Variants in NRBF2 observed in about 807,000 individuals in gnomAD.
NRBF2 encodes the protein nuclear receptor binding factor 2.
In NRBF2, 12 loss-of-function variants were observed where a neutral mutation model predicts 28.5. The observed-to-expected ratio is 0.42, with a 90% CI of 0.27 to 0.68. The LOEUF (loss-of-function observed/expected upper bound fraction) is 0.68, where lower values mean the gene tolerates loss of function less well. NRBF2 is among the 30% of genes least tolerant of loss of function. The probability of loss-of-function intolerance (pLI) is 0.24; values close to 1 mark genes in which losing one functional copy is unlikely to be tolerated. For missense variants in NRBF2, 274 were observed against 333.5 expected (o/e 0.82, Z 1.39); for synonymous variants, 102 against 116.5 (o/e 0.88, Z 0.80).
At chr10:63,145,898 A>G (rs1480426249) in intron 1 of NRBF2, among the ~76,000 whole-genome samples, 2 of 152,232 alleles carry the variant, frequency 1.3e-5, no homozygotes, top group African/African-American at 4.8e-5. Context: ...ATTTTGAATA[A>G]CAATCTATGA....
At chr10:63,144,348 G>A (rs1841526386) in intron 1 of NRBF2, among the ~76,000 whole-genome samples, 2 of 151,546 alleles carry the variant, frequency 1.3e-5, no homozygotes, top group Admixed American at 6.6e-5. Context: ...TTTTATGACT[G>A]GCTTATTTTA....
At chr10:63,135,647 CTTT>C (rs763603312) in intron 1 of NRBF2, among the ~76,000 whole-genome samples, 22 of 129,412 alleles carry the variant, frequency 1.7e-4, no homozygotes, top group East Asian at 1.1e-3. Context: ...ATCTTGAATT[CTTT>C]TTTTTTTTTT....
intron 2 of NRBF2, among the ~76,000 whole-genome samples, chr10:63,151,496 C>T (rs879404506): frequency 2.0e-5 from 3 of 152,002 alleles, no homozygotes; most frequent in Non-Finnish European, 4.4e-5. Context: ...TTTTTAAGAA[C>T]TTGACTTAAG....
chr10:63,152,366 G>T (rs1048443887), intron 3 of NRBF2, among the ~76,000 whole-genome samples, 176 bp downstream of exon 3: 1 of 152,190 alleles, frequency 6.6e-6, no homozygotes, highest in Admixed American at 6.5e-5. Context: ...AACTGCAGTC[G>T]ATGCCCCAGA....
rs1841688665 is a variant in NRBF2, at chr10:63,153,900, G to A, written c.546G>A (p.Val182=). The part of the protein sequence containing the change: ...ATKIADLKRH[V]EFLVAENERL... Reference sequence around the variant, plus strand: ...AAATTGCAGATTTGAAGAGGCATGTGGAATTCCTTGTGGCTGAGAATGAAA... The same window carrying A: ...AAATTGCAGATTTGAAGAGGCATGTAGAATTCCTTGTGGCTGAGAATGAAA... Residue 182 remains valine, a synonymous_variant, in exon 4 of 4, where the codon GTG becomes GTA. Transcript: ENST00000277746. 1 of 1,611,818 alleles carries A rather than the reference G, an allele frequency of 6.2e-7. No homozygotes were observed. Among genetic ancestry groups the A allele is most frequent in the African/African-American group, 1.3e-5 (1 of 74,836 alleles).
intron 1 of NRBF2, among the ~76,000 whole-genome samples, chr10:63,135,375 C>A (rs1251632091): frequency 6.6e-6 from 1 of 152,136 alleles, no homozygotes; most frequent in African/African-American, 2.4e-5. Context: ...TAGTTAGCTT[C>A]ACATTATTTG....
chr10:63,144,043 C>T (rs1841519788), intron 1 of NRBF2, among the ~76,000 whole-genome samples: 1 of 152,130 alleles, frequency 6.6e-6, no homozygotes, highest in Admixed American at 6.5e-5. Flanking sequence ...TAGGCATGAG[C>T]CACAGCACCC....
chr10:63,133,822 C>T (rs1174762156), intron 1 of NRBF2, among the ~76,000 whole-genome samples: 2 of 152,222 alleles, frequency 1.3e-5, no homozygotes, highest in Non-Finnish European at 2.9e-5. Context: ...TAGCCACCTC[C>T]CTACAGCCTG....
At chr10:63,137,744 T>C (rs1270606682) in intron 1 of NRBF2, among the ~76,000 whole-genome samples, 4 of 152,280 alleles carry the variant, frequency 2.6e-5, no homozygotes, top group South Asian at 4.1e-4. Flanking sequence ...ATATTGGCTT[T>C]AAAATCTTCA....
At chr10:63,145,301 C>T (rs1841541744) in intron 1 of NRBF2, among the ~76,000 whole-genome samples, 1 of 152,000 alleles carries the variant, frequency 6.6e-6, no homozygotes, top group African/African-American at 2.4e-5. Flanking sequence ...GTCTCGATCT[C>T]CTGACCTCAT....
In NRBF2 at chr10:63,153,954, G is replaced by C. The variant is rs1841690195; in HGVS notation, c.600G>C (p.Lys200Asn). The change falls in exon 4 of 4, where the codon AAG becomes AAC. Residue 200 changes from lysine to asparagine, a missense_variant. By Grantham distance (94) the Lys-to-Asn change is moderately conservative. Coordinates refer to ENST00000277746, the MANE Select transcript of NRBF2 (RefSeq NM_030759.5). ...TAAGGAAAGAAAATAAACAACTAAA[G>C]GCTGAAAAGGCCAGACTTCTAAAAG... The part of the protein sequence containing the change: ...ERLRKENKQL[K>N]AEKARLLKGP... The C allele has an allele frequency of 3.7e-6, 6 of 1,611,924 alleles. No homozygotes were observed. The highest frequency in any genetic ancestry group is 4.2e-6 in the Non-Finnish European group (5 of 1,179,832).
At position 63,154,736 on chromosome 10, in the gene NRBF2, A is replaced by G. The variant is rs1449901761; in HGVS notation, c.*518A>G. ...TACACACCCTTCTAGATGAAACTATATGTGCCACACTTTGCACTACTCATA... is the reference window on the plus strand; with the variant it reads ...TACACACCCTTCTAGATGAAACTATGTGTGCCACACTTTGCACTACTCATA... On this transcript the variant is annotated 3_prime_UTR_variant, in exon 4 of 4. Coordinates refer to ENST00000277746, the MANE Select transcript of NRBF2 (RefSeq NM_030759.5). 1 of 149,730 alleles carries G rather than the reference A, an allele frequency of 6.7e-6. No individual in the cohort carries two copies. The highest frequency in any genetic ancestry group is 2.4e-5 in the African/African-American group (1 of 40,936). The allele number at this position is 149,730 out of a possible 1,614,324, so 9.3% of individuals were successfully genotyped here.
At chr10:63,133,811 G>A (rs147811820) in intron 1 of NRBF2, among the ~76,000 whole-genome samples, 21 of 152,330 alleles carry the variant, frequency 1.4e-4, no homozygotes, top group African/African-American at 4.8e-4. Context: ...TTAGCGCCAC[G>A]TAGCCACCTC....
Position 63,154,120 on chromosome 10 carries a change from A to G in NRBF2, c.766A>G (p.Ile256Val), listed in dbSNP as rs1564532784. 14 of 1,613,876 alleles carry G rather than the reference A, an allele frequency of 8.7e-6. No homozygotes were observed. The highest frequency in any genetic ancestry group is 1.1e-5 in the South Asian group (1 of 91,074). Residue 256 changes from isoleucine (I) to valine (V), a missense_variant, in exon 4 of 4, where the codon ATT becomes GTT. Ile to Val is a conservative substitution (Grantham distance 29). Coordinates refer to ENST00000277746, the MANE Select transcript of NRBF2 (RefSeq NM_030759.5). ...AGCAAATACTGGGAAAGCCAAGGAC[A>G]TTCCAATCCCCAATCTTCCTCCCTT... ...FAANTGKAKD[I>V]PIPNLPPLDF... is the part of the protein sequence containing the mutation.
intron 1 of NRBF2, among the ~76,000 whole-genome samples, chr10:63,136,124 C>CTTTTTTTTTTTTTTTTTTT (rs11334549): frequency 1.6e-5 from 2 of 125,006 alleles, no homozygotes; most frequent in African/African-American, 5.8e-5. Flanking sequence ...AAAATTCAGA[C>CTTTTTTTTTTTTTTTTTTT]TTTTTTTTTT....
At position 63,145,753 on chromosome 10, in the gene NRBF2, TAGAAG is replaced by T. The variant is rs1841551027; in HGVS notation, c.31-450_31-446del. Among the ~76,000 whole-genome samples, 7 of 152,366 alleles carry T rather than the reference TAGAAG, an allele frequency of 4.6e-5. No homozygotes were observed. In the South Asian group the frequency reaches 1.4e-3, roughly 32 times the overall value. ...CTTTAATGTTGAAAGAATGAGATGA[TAGAAG>T]AGAAGCTTGGATTTTACTACATGAT... is the stretch of plus-strand genomic sequence containing the variant. On this transcript the variant is annotated intron_variant, in intron 1 of 3. Transcript: ENST00000277746.
At chr10:63,151,931 A>G (rs1278829778) in intron 2 of NRBF2, among the ~76,000 whole-genome samples, 1 of 152,222 alleles carries the variant, frequency 6.6e-6, no homozygotes, top group Non-Finnish European at 1.5e-5. Flanking sequence ...TAGGAGTTTT[A>G]AATAACAAAA....
intron 1 of NRBF2, among the ~76,000 whole-genome samples, chr10:63,140,850 G>A (rs1025795802): frequency 1.3e-5 from 2 of 151,888 alleles, no homozygotes; most frequent in East Asian, 1.9e-4. Context: ...ACAGGTGGGC[G>A]CCACCATGTC....
At chr10:63,152,577 C>A (rs1429439060) in intron 3 of NRBF2, among the ~76,000 whole-genome samples, 1 of 152,220 alleles carries the variant, frequency 6.6e-6, no homozygotes, top group Non-Finnish European at 1.5e-5. Context: ...TAATTTAAAT[C>A]TGACCAGTCT....
Sources: gnomAD v4.1 joint callset for allele counts (sites outside exome capture counted in the v4.1 genomes callset) on GRCh38, gnomAD v4.1.1 for gene constraint, MANE v1.5 for transcripts, NCBI Gene and HGNC (gene_info 2026-07-23, HGNC 2026-07-21) for gene names.